Variants in PITPNM1 observed in about 807,000 individuals in gnomAD.
The protein encoded by PITPNM1 is phosphatidylinositol transfer protein membrane associated 1, also known as membrane-associated phosphatidylinositol transfer protein 1.
A neutral mutation model predicts 133.3 loss-of-function variants in PITPNM1; 74 were observed. The observed-to-expected ratio is 0.56, with a 90% CI of 0.46 to 0.67. The LOEUF (loss-of-function observed/expected upper bound fraction) is 0.67, where lower values mean the gene tolerates loss of function less well. PITPNM1 is among the 30% of genes least tolerant of loss of function. The probability of loss-of-function intolerance (pLI) is 0.00; values close to 1 mark genes in which losing one functional copy is unlikely to be tolerated. For synonymous variants in PITPNM1, 738 were observed against 741.4 expected, an observed-to-expected ratio of 1.00 and a Z score of 0.08; for missense variants, 1,398 against 1,739.5, an observed-to-expected ratio of 0.80 and a Z score of 3.49.
chr11:67,492,340 GC>G, intron 23 of PITPNM1, 44 bp from the exon 24 acceptor site: 1 of 1,501,742 alleles, frequency 6.7e-7, no homozygotes, highest in Admixed American at 2.3e-5. Context: ...CTGGCCAAGG[GC>G]CCACACGCTG....
chr11:67,497,901 G>T lies in PITPNM1; in HGVS notation c.1782+16C>A, dbSNP rs764456171. 6.2e-7 allele frequency: 1 copy of T among 1,607,672 alleles called. No homozygotes were observed. The highest frequency in any genetic ancestry group is 8.5e-7 in the Non-Finnish European group (1 of 1,177,736). On this transcript the variant is annotated intron_variant, in intron 12 of 23. Transcript: ENST00000356404. ...GCCTTTCCGCTCCTGAGGAGGCCGG[G>T]TTTGGCTATACTGACCATGCTCCCA...
Position 67,498,786 on chromosome 11 carries a change from T to A in PITPNM1, c.1294A>T (p.Ile432Phe). ...EACAVHALFLILHSGNILDSG... is the reference protein window; with the variant it reads ...EACAVHALFLFLHSGNILDSG... ...TCCAGGATGTTGCCGCTGTGCAGGA[T>A]AAGGAAGAGGGCGTGGACTGCGCAT... is the stretch of plus-strand genomic sequence containing the variant. Residue 432 changes from isoleucine (I) to phenylalanine (F), a missense_variant, in exon 10 of 24, where the codon ATC becomes TTC. Ile to Phe is a conservative substitution (Grantham distance 21). This residue lies in a region of PITPNM1 where 574 missense variants were observed against 698.7 expected (regional missense o/e 0.82). Transcript: ENST00000356404. This position sits in a 1 kb window ranked among gnomAD's most constrained non-coding sequence, Gnocchi z 5.7. The A allele has an allele frequency of 6.2e-7, 1 of 1,612,570 alleles. No individual in the cohort carries two copies. The highest frequency in any genetic ancestry group is 8.5e-7 in the Non-Finnish European group (1 of 1,179,980).
chr11:67,492,800 C>G, intron 23 of PITPNM1, 134 bp downstream of exon 23: 1 of 1,167,462 alleles, frequency 8.6e-7, no homozygotes, highest in Non-Finnish European at 1.2e-6. Flanking sequence ...CCCTTGTCCT[C>G]GGAGGATCCC....
rs1198317989 is a variant in PITPNM1 at position 67,491,878 on chromosome 11, G to A, written c.*155C>T. On this transcript the variant is annotated 3_prime_UTR_variant, in exon 24 of 24. Transcript: ENST00000356404. Reference sequence around the variant, plus strand: ...CGGCGCTGGGTCCCCTCATATGAAAGGGAAGTAACACCGAGGAGCACACGG... The same window carrying A: ...CGGCGCTGGGTCCCCTCATATGAAAAGGAAGTAACACCGAGGAGCACACGG... 6.1e-6 allele frequency: 5 copies of A among 821,062 alleles called. No homozygotes were observed. The highest frequency in any genetic ancestry group is 9.3e-6 in the Non-Finnish European group (5 of 538,876). 50.9% of individuals were successfully genotyped at this position (821,062 alleles called of 1,614,324 possible).
intron 15 of PITPNM1, 98 bp from the exon 16 acceptor site, chr11:67,495,700 C>T (rs1866097520): frequency 2.5e-6 from 3 of 1,220,926 alleles, no homozygotes; most frequent in Non-Finnish European, 3.3e-6. Flanking sequence ...CCTGTGGCCC[C>T]TCTGGTCAGG....
chr11:67,494,182 A>T, intron 19 of PITPNM1, 62 bp downstream of exon 19: 3 of 1,575,492 alleles, frequency 1.9e-6, no homozygotes, highest in Non-Finnish European at 2.6e-6. Context: ...AGGGACCAGG[A>T]GCTGTTCCGA....
In PITPNM1 at chr11:67,492,093, GGGT is replaced by G; in HGVS notation, c.3672_3674del (p.Pro1225del). 6.2e-7 allele frequency: 1 copy of G among 1,612,486 alleles called. No homozygotes were observed. Among genetic ancestry groups the G allele is most frequent in the Non-Finnish European group, 8.5e-7 (1 of 1,179,890 alleles). On this transcript the variant is annotated inframe_deletion, in exon 24 of 24. Coordinates refer to ENST00000356404, the MANE Select transcript of PITPNM1 (RefSeq NM_004910.3). ...GTGCTTTGCCCCGTGCCAGGGTGGT[GGGT>G]GGTGTTCCCGGGCCCTCACGCTCCG... is the stretch of plus-strand genomic sequence containing the variant.
chr11:67,492,286 TC>T lies in PITPNM1; in HGVS notation c.3481del (p.Asp1161ThrfsTer78). ...KLQAQCQFLS[D>X]GYVAHLGQLE... ...CTGGCCCAGGTGGGCCACATAGCCG[TC>T]TGACAGGAACTGTGGGCAGAGGTAG... On this transcript the variant is annotated frameshift_variant, in exon 24 of 24. Coordinates refer to ENST00000356404, the MANE Select transcript of PITPNM1 (RefSeq NM_004910.3). LOFTEE classifies it high-confidence loss of function. 1 of 1,573,282 alleles carries T rather than the reference TC, an allele frequency of 6.4e-7. No individual in the cohort carries two copies. Among genetic ancestry groups the T allele is most frequent in the Non-Finnish European group, 8.6e-7 (1 of 1,157,810 alleles).
At chr11:67,505,935 A>G (rs1866496450), upstream of PITPNM1, among the ~76,000 whole-genome samples, 1 of 152,082 alleles carries the variant, frequency 6.6e-6, no homozygotes, top group African/African-American at 2.4e-5. This position sits in a 1 kb window ranked among gnomAD's most constrained non-coding sequence, Gnocchi z 5.8. Context: ...TCACCCAGCC[A>G]CCCGGAGTCT....
Position 67,498,168 on chromosome 11 carries a change from G to A in PITPNM1, c.1639C>T (p.Leu547=). The A allele has an allele frequency of 6.2e-7, 1 of 1,613,184 alleles. No individual in the cohort carries two copies. Among genetic ancestry groups the A allele is most frequent in the Non-Finnish European group, 8.5e-7 (1 of 1,179,970 alleles). Residue 547 remains leucine (L), a synonymous_variant, in exon 11 of 24, where the codon CTG becomes TTG. Transcript: ENST00000356404. The surrounding 1 kb of genome is among the most constrained non-coding windows in gnomAD (Gnocchi z 5.7). ...AAGCCGGCACCCTCAGGTGAGCGCA[G>A]GAAGGCTGAGTAGGCCTGGTTGGTG... ...ARTNQAYSAF[L]RSPEGAGFCG...
At chr11:67,495,851 G>T (rs1866101442) in intron 15 of PITPNM1, among the ~76,000 whole-genome samples, 1 of 152,230 alleles carries the variant, frequency 6.6e-6, no homozygotes, top group Non-Finnish European at 1.5e-5. Context: ...ACATACCTGG[G>T]CATGCCCCGC....
In PITPNM1 at chr11:67,498,055, G is replaced by A. The variant is rs1457108217; in HGVS notation, c.1675-31C>T. On this transcript the variant is annotated intron_variant, in intron 11 of 23. Coordinates refer to ENST00000356404, the MANE Select transcript of PITPNM1 (RefSeq NM_004910.3). This position sits in a 1 kb window ranked among gnomAD's most constrained non-coding sequence, Gnocchi z 5.7. Reference sequence around the variant, plus strand: ...TGGGAGCAGGGGCACCATCAGGAGAGGCCTTGTCCTCACCCAGGCCAGACT... The same window carrying A: ...TGGGAGCAGGGGCACCATCAGGAGAAGCCTTGTCCTCACCCAGGCCAGACT... 1 of 1,608,232 alleles carries A rather than the reference G, an allele frequency of 6.2e-7. No homozygotes were observed.
intron 23 of PITPNM1, 22 bp from the exon 24 acceptor site, chr11:67,492,318 G>A (rs1019595632): frequency 1.5e-5 from 23 of 1,533,276 alleles, no homozygotes; most frequent in East Asian, 2.3e-5. Context: ...GGTAGGCAGC[G>A]ATGAGGGGGT....
intron 17 of PITPNM1, 34 bp downstream of exon 17, chr11:67,495,043 A>T (rs1361636021): frequency 6.2e-7 from 1 of 1,609,044 alleles, no homozygotes; most frequent in African/African-American, 1.3e-5. Flanking sequence ...TCCCCGTCCC[A>T]TTCTCATCTC....
intron 14 of PITPNM1, 114 bp from the exon 15 acceptor site, chr11:67,496,462 C>G (rs1866125917): frequency 1.1e-6 from 1 of 892,862 alleles, no homozygotes; most frequent in African/African-American, 1.8e-5. Context: ...CGAGCCAGCA[C>G]TTCCCAAACT....
upstream of PITPNM1, chr11:67,506,247 C>T (rs1466887258): frequency 5.9e-6 from 1 of 168,166 alleles, no homozygotes; most frequent in Non-Finnish European, 1.3e-5. Context: ...CCCAGGCTGC[C>T]CACAGCGCCA....
chr11:67,502,774 TC>T lies in PITPNM1; in HGVS notation c.79-57del. The T allele has an allele frequency of 6.4e-7, 1 of 1,551,356 alleles. No individual in the cohort carries two copies. Among genetic ancestry groups the T allele is most frequent in the Non-Finnish European group, 8.9e-7 (1 of 1,128,578 alleles). ...CTCAGCCCCAGCTTAGCATCTGGGA[TC>T]CCCAGCTCAGCCTGGTGTTCTACAC... On this transcript the variant is annotated intron_variant, in intron 2 of 23. Coordinates refer to ENST00000356404, the MANE Select transcript of PITPNM1 (RefSeq NM_004910.3). This position sits in a 1 kb window ranked among gnomAD's most constrained non-coding sequence, Gnocchi z 5.9.
At chr11:67,497,112 C>T (rs1866144582) in intron 14 of PITPNM1, 119 bp downstream of exon 14, 1 of 820,972 alleles carries the variant, frequency 1.2e-6, no homozygotes, top group South Asian at 2.4e-5. Flanking sequence ...GTAGCCAGGC[C>T]TTTGAATTAG....
chr11:67,496,931 CAAAAA>C, intron 14 of PITPNM1: 4 of 157,960 alleles, frequency 2.5e-5, no homozygotes, highest in Non-Finnish European at 2.4e-5. Flanking sequence ...GACTCTGTCT[CAAAAA>C]AAAAAAAAAA....
Sources: gnomAD v4.1 joint callset for allele counts (sites outside exome capture counted in the v4.1 genomes callset) on GRCh38, gnomAD v4.1.1 for gene constraint, gnomAD v4.1.1 regional missense constraint, Gnocchi (gnomAD v3.1) non-coding constraint, MANE v1.5 for transcripts, NCBI Gene and HGNC (gene_info 2026-07-23, HGNC 2026-07-21) for gene names.